The following AFG2A variants were observed in gnomAD, a reference collection of about 807,000 sequenced individuals.
The protein encoded by AFG2A is ATPase family gene 2 protein homolog A.
chr4:123,150,467 C>A, the AFG2A span, among the ~76,000 whole-genome samples: 1 of 152,148 alleles, frequency 6.6e-6, no homozygotes, highest in African/African-American at 2.4e-5. Context: ...CACAAGCATT[C>A]CTATACACCA....
the AFG2A span, among the ~76,000 whole-genome samples, chr4:123,274,166 C>A: frequency 6.6e-6 from 1 of 152,024 alleles, no homozygotes; most frequent in Non-Finnish European, 1.5e-5. Context: ...ATTTGACCTG[C>A]AATAATCTGA....
At chr4:123,183,375 T>C in the AFG2A span, among the ~76,000 whole-genome samples, 16 of 152,226 alleles carry the variant, frequency 1.1e-4, no homozygotes, top group Non-Finnish European at 4.4e-5. Flanking sequence ...GATTGTATTA[T>C]CATTTTCTGA....
chr4:123,177,796 C>G, the AFG2A span, among the ~76,000 whole-genome samples: 3 of 152,174 alleles, frequency 2.0e-5, no homozygotes, highest in Non-Finnish European at 4.4e-5. Flanking sequence ...TTCCAGTGCC[C>G]TTTCCAGTGT....
chr4:123,269,546 T>G, the AFG2A span, among the ~76,000 whole-genome samples: 1 of 152,246 alleles, frequency 6.6e-6, no homozygotes, highest in Non-Finnish European at 1.5e-5. Context: ...TTAGTTTCCT[T>G]TTAAATGAAA....
At chr4:123,254,505 T>A in the AFG2A span, among the ~76,000 whole-genome samples, 3 of 152,224 alleles carry the variant, frequency 2.0e-5, no homozygotes, top group East Asian at 1.9e-4. Flanking sequence ...GTAGTGTAAA[T>A]TTTTCCAATT....
At chr4:123,239,369 A>G in the AFG2A span, among the ~76,000 whole-genome samples, 1 of 152,188 alleles carries the variant, frequency 6.6e-6, no homozygotes, top group Admixed American at 6.5e-5. Flanking sequence ...CAACCCCAAG[A>G]CACATAATTC....
chr4:122,952,516 G>A, the AFG2A span, among the ~76,000 whole-genome samples: 1 of 152,206 alleles, frequency 6.6e-6, no homozygotes, highest in Non-Finnish European at 1.5e-5. Context: ...CACGATGTGA[G>A]TAGGCCTGCA....
chr4:123,251,737 G>A, the AFG2A span, among the ~76,000 whole-genome samples: 1 of 152,018 alleles, frequency 6.6e-6, no homozygotes, highest in East Asian at 1.9e-4. Context: ...GTAGAAAGAA[G>A]TGATTTCCAT....
the AFG2A span, among the ~76,000 whole-genome samples, chr4:123,226,620 T>C: frequency 1.3e-5 from 2 of 152,224 alleles, no homozygotes; most frequent in African/African-American, 4.8e-5. Flanking sequence ...GCCAGTATTT[T>C]ATTGAAGATT....
the AFG2A span, among the ~76,000 whole-genome samples, chr4:123,308,074 G>GT: frequency 6.6e-6 from 1 of 152,154 alleles, no homozygotes; most frequent in Non-Finnish European, 1.5e-5. Context: ...TTCCAGTGCA[G>GT]TTTTTTTCTA....
the AFG2A span, chr4:122,947,521 G>A: frequency 6.7e-7 from 1 of 1,495,018 alleles, no homozygotes. Context: ...AGTCTCTATT[G>A]ATGCACTTAT....
chr4:123,189,515 G>A, the AFG2A span, among the ~76,000 whole-genome samples: 207 of 151,968 alleles, frequency 1.4e-3, 1 homozygote, highest in African/African-American at 4.8e-3. Flanking sequence ...AACCCTCAAT[G>A]TACACTGGTC....
chr4:123,051,438 T>C, the AFG2A span, among the ~76,000 whole-genome samples: 1 of 152,024 alleles, frequency 6.6e-6, no homozygotes, highest in Non-Finnish European at 1.5e-5. Flanking sequence ...CAACTTGCTG[T>C]TTTTATATTG....
At chr4:123,064,334 A>G in the AFG2A span, among the ~76,000 whole-genome samples, 1 of 152,338 alleles carries the variant, frequency 6.6e-6, no homozygotes, top group South Asian at 2.1e-4. Context: ...GAGTTGAATT[A>G]TACTGGGCTA....
At chr4:123,055,764 G>A in the AFG2A span, among the ~76,000 whole-genome samples, 387 of 152,298 alleles carry the variant, frequency 2.5e-3, no homozygotes, top group Middle Eastern at 0.031. Context: ...TGTTCTTCGG[G>A]ATGTATGAGG....
the AFG2A span, among the ~76,000 whole-genome samples, chr4:122,963,849 A>G: frequency 1.3e-5 from 2 of 152,140 alleles, no homozygotes; most frequent in African/African-American, 2.4e-5. Context: ...TGCTTTCCAT[A>G]AAAGAGGGAT....
chr4:123,119,279 T>C, the AFG2A span, among the ~76,000 whole-genome samples: 1 of 152,166 alleles, frequency 6.6e-6, no homozygotes, highest in African/African-American at 2.4e-5. Context: ...GTATTAAGTG[T>C]TTAGTAAATT....
chr4:122,924,670 C>T, the AFG2A span, among the ~76,000 whole-genome samples: 1 of 152,052 alleles, frequency 6.6e-6, no homozygotes, highest in African/African-American at 2.4e-5. Context: ...TCATCCAGTG[C>T]CCAGAGTTTC....
the AFG2A span, among the ~76,000 whole-genome samples, chr4:123,118,956 T>C: frequency 1.3e-5 from 2 of 152,112 alleles, no homozygotes; most frequent in Non-Finnish European, 2.9e-5. Context: ...CTGTAATACC[T>C]CTTTTCTAAA....
Sources: allele counts gnomAD v4.1 joint callset (sites outside exome capture counted in the v4.1 genomes callset), GRCh38; gene constraint gnomAD v4.1.1; transcripts MANE v1.5; gene names NCBI Gene and HGNC (gene_info 2026-07-23, HGNC 2026-07-21).